Variants in TMEM51 observed in about 807,000 individuals in gnomAD.
TMEM51 encodes the protein transmembrane protein 51.
TMEM51 carries 8 observed loss-of-function variants against 13.6 expected under a neutral mutation model. That is an observed-to-expected ratio of 0.59 (90% CI 0.35 to 1.07). The LOEUF (loss-of-function observed/expected upper bound fraction) is 1.07. Among genes scored for constraint, TMEM51 ranks in the 50% least tolerant of loss-of-function variants. The pLI is 0.02. For missense variants in TMEM51, 279 were observed against 330.7 expected (o/e 0.84, Z 1.21); for synonymous variants, 147 against 144.4 (o/e 1.02, Z -0.13).
intron 3 of TMEM51, among the ~76,000 whole-genome samples, chr1:15,217,251 C>A (rs1261410858): frequency 6.6e-6 from 1 of 152,180 alleles, no homozygotes; most frequent in East Asian, 1.9e-4. Context: ...TTACCAGTTA[C>A]CACCCCTTTC....
chr1:15,153,535 C>CT (rs397687545), upstream of TMEM51, among the ~76,000 whole-genome samples: 41 of 152,036 alleles, frequency 2.7e-4, no homozygotes, highest in African/African-American at 9.4e-4. Context: ...GCCCAGCCCC[C>CT]GGCACACGCT....
chr1:15,163,435 C>T (rs1036102782), intron 1 of TMEM51, among the ~76,000 whole-genome samples: 1 of 151,986 alleles, frequency 6.6e-6, no homozygotes, highest in African/African-American at 2.4e-5. Flanking sequence ...GCATCAGTCA[C>T]AAGGAACTAC....
intron 1 of TMEM51, among the ~76,000 whole-genome samples, chr1:15,169,804 G>C (rs1643173607): frequency 6.6e-6 from 1 of 152,190 alleles, no homozygotes; most frequent in African/African-American, 2.4e-5. Context: ...TTACGAAGCT[G>C]TCCATTTTTT....
intron 1 of TMEM51, among the ~76,000 whole-genome samples, chr1:15,180,812 G>A (rs1233118858): frequency 6.6e-6 from 1 of 152,148 alleles, no homozygotes; most frequent in Non-Finnish European, 1.5e-5. Context: ...TATAGGCAAG[G>A]TGCTATTCTT....
intron 1 of TMEM51, among the ~76,000 whole-genome samples, chr1:15,158,371 G>T (rs1642656859): frequency 1.3e-5 from 2 of 152,158 alleles, no homozygotes; most frequent in Non-Finnish European, 2.9e-5. Context: ...CGGGCCATCT[G>T]GGTGTGATGC....
chr1:15,211,560 G>A (rs150835684), intron 2 of TMEM51, among the ~76,000 whole-genome samples: 1 of 152,142 alleles, frequency 6.6e-6, no homozygotes, highest in Admixed American at 6.5e-5. Flanking sequence ...GAGAGTTTTT[G>A]TCTCCCTTTT....
chr1:15,218,969 C>T (rs1644469838), intron 3 of TMEM51, among the ~76,000 whole-genome samples: 1 of 152,298 alleles, frequency 6.6e-6, no homozygotes, highest in Middle Eastern at 3.4e-3. Context: ...GAAGCAGTGC[C>T]CTTCAATAAA....
intron 1 of TMEM51, among the ~76,000 whole-genome samples, chr1:15,178,250 G>A (rs1487154053): frequency 3.3e-5 from 5 of 152,102 alleles, no homozygotes; most frequent in East Asian, 1.9e-4. Flanking sequence ...GGAGTAGAGC[G>A]GTCCCTTCGG....
At chr1:15,166,771 T>C (rs1643013943) in intron 1 of TMEM51, among the ~76,000 whole-genome samples, 1 of 152,090 alleles carries the variant, frequency 6.6e-6, no homozygotes, top group Non-Finnish European at 1.5e-5. Context: ...TATATATATG[T>C]ATGTAATTTT....
At chr1:15,195,340 CTG>C (rs987453516) in intron 1 of TMEM51, among the ~76,000 whole-genome samples, 8 of 152,118 alleles carry the variant, frequency 5.3e-5, no homozygotes, top group African/African-American at 1.9e-4. Context: ...TATCCAAAAT[CTG>C]TCATCTCAAC....
At chr1:15,214,005 CCTT>C (rs1453791169) in intron 2 of TMEM51, among the ~76,000 whole-genome samples, 377 of 128,152 alleles carry the variant, frequency 2.9e-3, no homozygotes, top group African/African-American at 0.01. Context: ...CAGCACCCAG[CCTT>C]TTTTTTTTTT....
At chr1:15,193,107 T>G (rs1643967111) in intron 1 of TMEM51, among the ~76,000 whole-genome samples, 1 of 152,142 alleles carries the variant, frequency 6.6e-6, no homozygotes, top group Admixed American at 6.5e-5. Context: ...AGCACCGGCG[T>G]AGCAGCCCGC....
At chr1:15,216,871 T>C (rs115680101) in intron 3 of TMEM51, among the ~76,000 whole-genome samples, 233 of 152,298 alleles carry the variant, frequency 1.5e-3, no homozygotes, top group African/African-American at 5.4e-3. Flanking sequence ...CCATCAAATG[T>C]TGTGGCTGTG....
At chr1:15,187,709 G>C (rs539199797) in intron 1 of TMEM51, among the ~76,000 whole-genome samples, 1 of 152,176 alleles carries the variant, frequency 6.6e-6, no homozygotes, top group African/African-American at 2.4e-5. Context: ...ATGGGGTGGC[G>C]TCTTCTAGGG....
At chr1:15,217,775 TG>T (rs1475016066) in intron 3 of TMEM51, among the ~76,000 whole-genome samples, 2 of 152,100 alleles carry the variant, frequency 1.3e-5, no homozygotes, top group African/African-American at 4.8e-5. Flanking sequence ...GGTTGGATGG[TG>T]CCACCACACT....
chr1:15,182,774 T>C (rs1472011408), intron 1 of TMEM51, among the ~76,000 whole-genome samples: 2 of 152,078 alleles, frequency 1.3e-5, no homozygotes, highest in Non-Finnish European at 2.9e-5. Context: ...TGTTTCTTCT[T>C]TTGGGGGGCA....
intron 1 of TMEM51, among the ~76,000 whole-genome samples, chr1:15,189,475 C>T (rs573519725): frequency 6.6e-6 from 1 of 152,258 alleles, no homozygotes; most frequent in East Asian, 1.9e-4. Flanking sequence ...CATGCCTAAA[C>T]ATTTGGAGTT....
At chr1:15,179,659 G>A (rs1643556285) in intron 1 of TMEM51, among the ~76,000 whole-genome samples, 1 of 152,088 alleles carries the variant, frequency 6.6e-6, no homozygotes, top group Non-Finnish European at 1.5e-5. Context: ...GCGCATGCCT[G>A]TAACCTCAGC....
rs554153834 is a variant in TMEM51, at chr1:15,161,608, G to A, written c.-267+7654G>A. Among the ~76,000 whole-genome samples, 1 of 152,166 alleles carries A rather than the reference G, an allele frequency of 6.6e-6. No individual in the cohort carries two copies. Among genetic ancestry groups the A allele is most frequent in the South Asian group, 2.1e-4 (1 of 4,830 alleles). On this transcript the variant is annotated intron_variant, in intron 1 of 3. Transcript: ENST00000376008. This position sits in a 1 kb window ranked among gnomAD's most constrained non-coding sequence, Gnocchi z 4.0. Reference sequence around the variant, plus strand: ...CTTGTCTTAGTCCATTTGTGTTGCTGTAAAGAAATACCTGAGATTGGGTAA... The same window carrying A: ...CTTGTCTTAGTCCATTTGTGTTGCTATAAAGAAATACCTGAGATTGGGTAA...
Sources: gnomAD v4.1 joint callset for allele counts (sites outside exome capture counted in the v4.1 genomes callset) on GRCh38, gnomAD v4.1.1 for gene constraint, Gnocchi (gnomAD v3.1) non-coding constraint, MANE v1.5 for transcripts, NCBI Gene and HGNC (gene_info 2026-07-23, HGNC 2026-07-21) for gene names.